The following FAM222B variants were observed in gnomAD, a reference collection of about 807,000 sequenced individuals.
FAM222B encodes the protein family with sequence similarity 222 member B.
FAM222B carries 12 observed loss-of-function variants against 38.0 expected under a neutral mutation model. The ratio of observed to expected loss-of-function variants is 0.32; its 90% CI spans 0.20 to 0.51. The LOEUF (loss-of-function observed/expected upper bound fraction) is 0.51, where lower values mean the gene tolerates loss of function less well. Ranked by LOEUF, FAM222B falls within the 20% of genes least tolerant of loss-of-function variation. The probability of loss-of-function intolerance (pLI) is 0.97; values close to 1 mark genes in which losing one functional copy is unlikely to be tolerated. For missense variants in FAM222B, 716 were observed against 754.2 expected, an observed-to-expected ratio of 0.95 and a Z score of 0.59; for synonymous variants, 329 against 317.2, an observed-to-expected ratio of 1.04 and a Z score of -0.40.
chr17:28,844,218 T>C (rs1347854912), upstream of FAM222B, among the ~76,000 whole-genome samples: 3 of 152,082 alleles, frequency 2.0e-5, no homozygotes, highest in Non-Finnish European at 2.9e-5. Context: ...CTAAACTCTC[T>C]CCTCATCACC....
intron 1 of FAM222B, among the ~76,000 whole-genome samples, chr17:28,778,853 C>A (rs2036035892): frequency 1.3e-5 from 2 of 149,528 alleles, no homozygotes; most frequent in South Asian, 4.3e-4. Flanking sequence ...TGTGAACCAC[C>A]TCACCAAGCC....
intron 2 of FAM222B, among the ~76,000 whole-genome samples, chr17:28,763,200 G>C (rs1431952300): frequency 6.6e-6 from 1 of 152,194 alleles, no homozygotes; most frequent in Non-Finnish European, 1.5e-5. Context: ...CCCATACTGA[G>C]AGCCTGTCAT....
At chr17:28,828,569 A>G (rs2152605245) in intron 1 of FAM222B, among the ~76,000 whole-genome samples, 2 of 94,438 alleles carry the variant, frequency 2.1e-5, no homozygotes, top group Non-Finnish European at 4.7e-5. Context: ...CTCTGTCACG[A>G]AAAAAAAAAA....
At chr17:28,799,232 C>T (rs2037096921) in intron 1 of FAM222B, among the ~76,000 whole-genome samples, 1 of 151,694 alleles carries the variant, frequency 6.6e-6, no homozygotes, top group Non-Finnish European at 1.5e-5. Flanking sequence ...CTCGGCCTCC[C>T]AAAGTGCTGG....
intron 1 of FAM222B, among the ~76,000 whole-genome samples, chr17:28,804,226 T>C (rs1330160019): frequency 2.0e-5 from 3 of 152,132 alleles, no homozygotes; most frequent in African/African-American, 7.2e-5. Context: ...GTTCTCGGGC[T>C]TGCAGACAGC....
rs200143481 is a variant in FAM222B at position 28,798,639 on chromosome 17, C to T, written c.-40-31932G>A. On this transcript the variant is annotated intron_variant, in intron 1 of 2. Transcript: ENST00000581407. ...TTTAATACTTAGGCACTTGCACCCC[C>T]TTTTTTTTTTTTTGAAACGGAGTCT... Among the ~76,000 whole-genome samples, 46 of 145,668 alleles carry T rather than the reference C, an allele frequency of 3.2e-4. No homozygotes were observed. The East Asian group carries it at 5.0e-3, about 16-fold the overall frequency.
intron 1 of FAM222B, among the ~76,000 whole-genome samples, chr17:28,786,944 G>A (rs567244914): frequency 7.4e-4 from 85 of 114,666 alleles, no homozygotes; most frequent in Non-Finnish European, 4.6e-4. Flanking sequence ...TCGCTCTGTC[G>A]CCCAGCCTGG....
At chr17:28,791,559 C>CA (rs1341456069) in intron 1 of FAM222B, among the ~76,000 whole-genome samples, 1 of 141,180 alleles carries the variant, frequency 7.1e-6, no homozygotes, top group African/African-American at 2.5e-5. Context: ...CATTGGAAAG[C>CA]AAAAAACAAA....
At chr17:28,823,687 T>C (rs2038342170) in intron 1 of FAM222B, among the ~76,000 whole-genome samples, 1 of 152,180 alleles carries the variant, frequency 6.6e-6, no homozygotes, top group Non-Finnish European at 1.5e-5. Flanking sequence ...TCCTTCTCTT[T>C]CAAATTGCTC....
At chr17:28,794,552 C>T (rs1025504443) in intron 1 of FAM222B, among the ~76,000 whole-genome samples, 1 of 151,904 alleles carries the variant, frequency 6.6e-6, no homozygotes, top group African/African-American at 2.4e-5. Flanking sequence ...TAAGATTTTG[C>T]TTATACCCAC....
chr17:28,839,550 G>A (rs2038962639), intron 1 of FAM222B, among the ~76,000 whole-genome samples: 1 of 152,092 alleles, frequency 6.6e-6, no homozygotes, highest in African/African-American at 2.4e-5. Context: ...GAAATTTCCA[G>A]TAGGGGGAAA....
chr17:28,759,969 C>G lies in FAM222B; in HGVS notation c.83-93G>C. 7.9e-7 allele frequency: 1 copy of G among 1,270,154 alleles called. No homozygotes were observed. The highest frequency in any genetic ancestry group is 1.1e-6 in the Non-Finnish European group (1 of 935,170). The allele number at this position is 1,270,154 out of a possible 1,614,324, so 78.7% of individuals were successfully genotyped here. On this transcript the variant is annotated intron_variant, in intron 2 of 2. Transcript: ENST00000581407. The surrounding 1 kb of genome is among the most constrained non-coding windows in gnomAD (Gnocchi z 4.8). ...CCTTCCAGATTCCCCTTTTGAGGGC[C>G]TGGGGTGGGGTGGGGAAATGACTAG...
chr17:28,854,910 A>G (rs934976651), intron 1 of FAM222B: 3 of 1,053,454 alleles, frequency 2.8e-6, no homozygotes, highest in Admixed American at 3.0e-5. Flanking sequence ...CCTCCCGCCC[A>G]CATCCCATGT....
chr17:28,824,110 C>G (rs534600366), intron 1 of FAM222B, among the ~76,000 whole-genome samples: 69 of 152,160 alleles, frequency 4.5e-4, no homozygotes, highest in African/African-American at 1.5e-3. Flanking sequence ...ATCTCCTAAC[C>G]TCATGATCCA....
chr17:28,854,517 C>A (rs1220515558), intron 1 of FAM222B, among the ~76,000 whole-genome samples: 3 of 152,180 alleles, frequency 2.0e-5, no homozygotes, highest in Non-Finnish European at 4.4e-5. Flanking sequence ...AGGAACCTAG[C>A]CTAAAGCAAA....
At chr17:28,852,566 G>A (rs962845659) in intron 1 of FAM222B, among the ~76,000 whole-genome samples, 1 of 151,832 alleles carries the variant, frequency 6.6e-6, no homozygotes, top group Non-Finnish European at 1.5e-5. Context: ...GCTTGGGTCT[G>A]GGAGGTGGAG....
chr17:28,784,047 G>A (rs562984764), intron 1 of FAM222B, among the ~76,000 whole-genome samples: 3 of 152,162 alleles, frequency 2.0e-5, no homozygotes, highest in Non-Finnish European at 2.9e-5. Flanking sequence ...TGATCCACCC[G>A]CCTCGGCCTC....
chr17:28,808,346 A>C (rs1401702207), intron 1 of FAM222B, among the ~76,000 whole-genome samples: 1 of 152,184 alleles, frequency 6.6e-6, no homozygotes, highest in Non-Finnish European at 1.5e-5. Context: ...AGAACCATAC[A>C]TCATTCCAGT....
intron 1 of FAM222B, among the ~76,000 whole-genome samples, chr17:28,783,043 C>T (rs2036229914): frequency 6.7e-6 from 1 of 149,030 alleles, no homozygotes; most frequent in African/African-American, 2.5e-5. Context: ...GAGGCTGAGG[C>T]AGAAGAATGG....
Sources: allele counts gnomAD v4.1 joint callset (sites outside exome capture counted in the v4.1 genomes callset), GRCh38; gene constraint gnomAD v4.1.1; non-coding constraint Gnocchi (gnomAD v3.1); transcripts MANE v1.5; gene names NCBI Gene and HGNC (gene_info 2026-07-23, HGNC 2026-07-21).